The following GRID1 variants were observed in gnomAD, a reference collection of about 807,000 sequenced individuals.
GRID1 encodes glutamate ionotropic receptor delta type subunit 1.
In GRID1, 28 loss-of-function variants were observed where a neutral mutation model predicts 98.0. The ratio of observed to expected loss-of-function variants is 0.29; its 90% CI spans 0.21 to 0.39. The LOEUF (loss-of-function observed/expected upper bound fraction) is 0.39. GRID1 is among the 10% of genes least tolerant of loss of function. GRID1 has a pLI of 1.00. For synonymous variants in GRID1, 553 were observed against 538.5 expected, an observed-to-expected ratio of 1.03 and a Z score of -0.37; for missense variants, 1,111 against 1,340.5, an observed-to-expected ratio of 0.83 and a Z score of 2.67.
intron 12 of GRID1, among the ~76,000 whole-genome samples, chr10:85,653,358 T>C (rs1240785430): frequency 5.3e-5 from 8 of 152,210 alleles, no homozygotes; most frequent in Admixed American, 3.9e-4. Context: ...ATCTAGGGCA[T>C]GTGTTTCTCT....
Position 85,883,946 on chromosome 10 carries a change from A to T in GRID1, c.781-14766T>A, listed in dbSNP as rs974331051. Among the ~76,000 whole-genome samples the T allele has an allele frequency of 2.0e-5, 3 of 152,160 alleles. No homozygotes were observed. In the South Asian group the frequency reaches 6.2e-4, roughly 32 times the overall value. ...ACTGAAGATAGAAGTTTCCAGCTTT[A>T]TGTAGAAATCTCTCATCAGGCTCCA... On this transcript the variant is annotated intron_variant, in intron 5 of 15. Coordinates refer to ENST00000327946, the MANE Select transcript of GRID1 (RefSeq NM_017551.3).
At chr10:85,995,024 T>C (rs1241830922) in intron 4 of GRID1, among the ~76,000 whole-genome samples, 2 of 152,216 alleles carry the variant, frequency 1.3e-5, no homozygotes, top group Non-Finnish European at 1.5e-5. Context: ...TAAAGGCACA[T>C]AGTTGAGTTT....
At chr10:85,839,766 A>G (rs1003207198) in intron 8 of GRID1, among the ~76,000 whole-genome samples, 4 of 152,188 alleles carry the variant, frequency 2.6e-5, no homozygotes, top group Non-Finnish European at 5.9e-5. Context: ...AGAAATAACC[A>G]AAATCAAAGC....
At chr10:85,955,724 TCAGA>T (rs3086777) in intron 4 of GRID1, among the ~76,000 whole-genome samples, 13,074 of 152,136 alleles carry the variant, frequency 0.086, 612 homozygotes, top group East Asian at 0.18. Context: ...CATTTAGTCA[TCAGA>T]CAGTCAGTCA....
At position 86,351,188 on chromosome 10, in the gene GRID1, A is replaced by G. The variant is rs186407608; in HGVS notation, c.235+12753T>C. 9.4e-4 allele frequency among the ~76,000 whole-genome samples: 143 copies of G among 152,392 alleles called. 1 individual carries two copies. Among genetic ancestry groups the G allele is most frequent in the Non-Finnish European group, 3.5e-4 (24 of 68,046 alleles). ...TCCATGAGGCTTCTACAATGAAAGG[A>G]GGATCAGCTGAAATGGCTCCAGGAC... On this transcript the variant is annotated intron_variant, in intron 2 of 15. Coordinates refer to ENST00000327946, the MANE Select transcript of GRID1 (RefSeq NM_017551.3).
At chr10:85,933,393 T>C (rs1443712887) in intron 4 of GRID1, among the ~76,000 whole-genome samples, 2 of 152,128 alleles carry the variant, frequency 1.3e-5, no homozygotes, top group African/African-American at 2.4e-5. Flanking sequence ...ATACAGATTA[T>C]TTCATCACCC....
intron 2 of GRID1, among the ~76,000 whole-genome samples, chr10:86,270,787 A>G (rs1436166363): frequency 2.0e-5 from 3 of 152,208 alleles, no homozygotes; most frequent in Admixed American, 2.0e-4. Context: ...TATTCATGGA[A>G]TAACCAAATA....
At chr10:86,099,368 A>G (rs1844262942) in intron 4 of GRID1, among the ~76,000 whole-genome samples, 1 of 152,220 alleles carries the variant, frequency 6.6e-6, no homozygotes, top group Non-Finnish European at 1.5e-5. Flanking sequence ...TGAGCACTGG[A>G]AATACAGAGA....
intron 4 of GRID1, among the ~76,000 whole-genome samples, chr10:86,035,528 C>T (rs919676430): frequency 6.6e-6 from 1 of 152,222 alleles, no homozygotes; most frequent in Non-Finnish European, 1.5e-5. Flanking sequence ...ACTGGCCACA[C>T]AAGCACCATC....
At chr10:85,897,712 C>T (rs2131813504) in intron 5 of GRID1, among the ~76,000 whole-genome samples, 1 of 152,198 alleles carries the variant, frequency 6.6e-6, no homozygotes, top group African/African-American at 2.4e-5. Context: ...ATTAATTGAT[C>T]CATTATCAAT....
At chr10:86,160,073 G>A (rs987501028) in intron 3 of GRID1, among the ~76,000 whole-genome samples, 4 of 151,578 alleles carry the variant, frequency 2.6e-5, no homozygotes, top group Non-Finnish European at 5.9e-5. Flanking sequence ...CATCATCATC[G>A]TGTGAGCCAA....
chr10:86,302,866 A>T lies in GRID1; in HGVS notation c.235+61075T>A, dbSNP rs559870732. Among the ~76,000 whole-genome samples the T allele has an allele frequency of 2.0e-5, 3 of 152,338 alleles. No individual in the cohort carries two copies. In the South Asian group the frequency reaches 6.2e-4, roughly 32 times the overall value. On this transcript the variant is annotated intron_variant, in intron 2 of 15. Transcript: ENST00000327946. ...GAGCTTGTTAGAAATGCAGAATCTC[A>T]GGCCCTCCCTGGACCTAGAAGCAGA...
At chr10:86,129,897 G>A (rs1844808227) in intron 4 of GRID1, among the ~76,000 whole-genome samples, 1 of 152,240 alleles carries the variant, frequency 6.6e-6, no homozygotes, top group African/African-American at 2.4e-5. Context: ...GCTTGCTCTG[G>A]ACAAGAGATT....
intron 5 of GRID1, among the ~76,000 whole-genome samples, chr10:85,897,652 A>C (rs938946541): frequency 2.0e-5 from 3 of 152,240 alleles, no homozygotes; most frequent in African/African-American, 7.2e-5. Context: ...ATGATGTACA[A>C]CATGACATTT....
chr10:86,241,409 G>A (rs1366368080), intron 2 of GRID1, among the ~76,000 whole-genome samples: 1 of 152,216 alleles, frequency 6.6e-6, no homozygotes, highest in East Asian at 1.9e-4. Flanking sequence ...CTTTACAGGG[G>A]GGCCCCCTAC....
intron 12 of GRID1, among the ~76,000 whole-genome samples, chr10:85,657,790 T>C (rs1840917582): frequency 1.3e-5 from 2 of 152,314 alleles, no homozygotes; most frequent in East Asian, 1.9e-4. Context: ...TGAAACTTCA[T>C]GATCCAGGTT....
At chr10:86,271,978 A>G (rs1245971077) in intron 2 of GRID1, among the ~76,000 whole-genome samples, 3 of 152,200 alleles carry the variant, frequency 2.0e-5, no homozygotes, top group Admixed American at 2.0e-4. Context: ...ATCAAGACAC[A>G]TTATAATCAA....
intron 3 of GRID1, among the ~76,000 whole-genome samples, chr10:86,175,021 G>C (rs1157357304): frequency 6.6e-6 from 1 of 152,122 alleles, no homozygotes; most frequent in East Asian, 1.9e-4. Context: ...TGGAGAAATA[G>C]GAACACTTTT....
chr10:86,067,894 C>T (rs763291495), intron 4 of GRID1, among the ~76,000 whole-genome samples: 13 of 152,252 alleles, frequency 8.5e-5, no homozygotes, highest in Non-Finnish European at 1.8e-4. Flanking sequence ...TCCCCTGCCC[C>T]ATCCTGCTAC....
Sources: allele counts gnomAD v4.1 joint callset (sites outside exome capture counted in the v4.1 genomes callset), GRCh38; gene constraint gnomAD v4.1.1; transcripts MANE v1.5; gene names NCBI Gene and HGNC (gene_info 2026-07-23, HGNC 2026-07-21).